RGS12: variants seen among roughly 807,000 people sequenced by gnomAD.
RGS12 encodes regulator of G protein signaling 12.
RGS12 carries 66 observed loss-of-function variants against 120.1 expected under a neutral mutation model. That is an observed-to-expected ratio of 0.55 (90% confidence interval 0.45 to 0.67). RGS12 has a LOEUF of 0.67. Ranked by LOEUF, RGS12 falls within the 30% of genes least tolerant of loss-of-function variation. RGS12 has a pLI of 0.00. For synonymous variants in RGS12, 827 were observed against 804.7 expected, an observed-to-expected ratio of 1.03 and a Z score of -0.47; for missense variants, 1,859 against 1,957.7, an observed-to-expected ratio of 0.95 and a Z score of 0.95.
intron 14 of RGS12, 54 bp downstream of exon 14, chr4:3,425,614 G>C (rs1723530734): frequency 6.3e-6 from 9 of 1,434,872 alleles, no homozygotes; most frequent in African/African-American, 1.5e-5. Context: ...CCAGTGCAGG[G>C]GAGGGGGCTA....
intron 13 of RGS12, 40 bp from the exon 14 acceptor site, chr4:3,425,424 C>T: frequency 6.5e-7 from 1 of 1,549,236 alleles, no homozygotes; most frequent in Non-Finnish European, 8.9e-7. Flanking sequence ...CCCTGAAGTT[C>T]CAGTCTGGGT....
chr4:3,343,370 G>A (rs924161843), intron 3 of RGS12, among the ~76,000 whole-genome samples: 1 of 152,178 alleles, frequency 6.6e-6, no homozygotes, highest in Admixed American at 6.5e-5. Context: ...CCCCCTTAAA[G>A]ACGGGGCGTG....
intron 1 of RGS12, among the ~76,000 whole-genome samples, chr4:3,309,901 C>T (rs1397628556): frequency 1.3e-4 from 16 of 120,866 alleles, no homozygotes; most frequent in South Asian, 3.1e-4. Context: ...TGAGGGGAAC[C>T]GTGCAGGGGA....
chr4:3,287,027 G>A, the RGS12 span, among the ~76,000 whole-genome samples: 2 of 152,160 alleles, frequency 1.3e-5, no homozygotes, highest in African/African-American at 4.8e-5. Flanking sequence ...TCAGCTTTGG[G>A]CATATATTAG....
At chr4:3,417,609 C>T (rs753689129) in intron 9 of RGS12, 68 bp downstream of exon 9, 2 of 1,560,522 alleles carry the variant, frequency 1.3e-6, no homozygotes, top group Admixed American at 1.8e-5. Context: ...TGGCGTCGCT[C>T]TGGTGGTTGG....
chr4:3,381,343 A>G, intron 3 of RGS12, among the ~76,000 whole-genome samples: 1 of 152,214 alleles, frequency 6.6e-6, no homozygotes, highest in East Asian at 1.9e-4. Flanking sequence ...CCTGTTACCC[A>G]GTTCCAAAGT....
Position 3,439,675 on chromosome 4 carries a change from C to T in RGS12, c.4335C>T (p.Thr1445=). The T allele has an allele frequency of 1.3e-6, 2 of 1,530,076 alleles. No homozygotes were observed. The highest frequency in any genetic ancestry group is 1.8e-6 in the Non-Finnish European group (2 of 1,137,952). 94.8% of individuals were successfully genotyped at this position (1,530,076 alleles called of 1,614,324 possible). Residue 1445 remains threonine (T), a synonymous_variant, in exon 18 of 18, where the codon ACC becomes ACT. Coordinates refer to ENST00000336727, the MANE Select transcript of RGS12 (RefSeq NM_001394154.1). ...CCAAGACCAGCGCTCACCACGCCACCTTCGTCTGAGCTGCCCTGGCCTGGC... is the reference window on the plus strand; with the variant it reads ...CCAAGACCAGCGCTCACCACGCCACTTTCGTCTGAGCTGCCCTGGCCTGGC... ...AKPKTSAHHA[T]FV
chr4:3,413,826 G>A (rs1347192266), intron 4 of RGS12: 1 of 493,848 alleles, frequency 2.0e-6, no homozygotes, highest in African/African-American at 1.9e-5. Flanking sequence ...GTGAACATGT[G>A]TGTGTGCTCG....
intron 4 of RGS12, chr4:3,412,927 G>A (rs10027926): frequency 0.083 from 12,622 of 152,340 alleles, 726 homozygotes; most frequent in East Asian, 0.28. Context: ...CTTGGGCTCA[G>A]GCCAGGCCGG....
In RGS12 at chr4:3,389,063, T is replaced by C. The variant is rs1350571453; in HGVS notation, c.2020+2626T>C. On this transcript the variant is annotated intron_variant, in intron 4 of 17. Transcript: ENST00000336727. The surrounding 1 kb of genome is among the most constrained non-coding windows in gnomAD (Gnocchi z 5.2). ...GTGCCAGTGAGAGAGTTCGTGTTCA[T>C]GCCACGGTTTCATTCTGTGACGCGT... Among the ~76,000 whole-genome samples, 1 of 152,238 alleles carries C rather than the reference T, an allele frequency of 6.6e-6. No homozygotes were observed. The highest frequency in any genetic ancestry group is 1.5e-5 in the Non-Finnish European group (1 of 68,046).
intron 17 of RGS12, chr4:3,431,326 T>C: frequency 9.2e-7 from 1 of 1,091,304 alleles, no homozygotes; most frequent in Non-Finnish European, 1.1e-6. Context: ...GTTTTTAGTG[T>C]TTCTGTCTCA....
chr4:3,299,321 C>G (rs1723549646), intron 1 of RGS12, among the ~76,000 whole-genome samples: 1 of 152,134 alleles, frequency 6.6e-6, no homozygotes, highest in African/African-American at 2.4e-5. Context: ...TTCAGCCACC[C>G]AGCCCTCCCC....
At chr4:3,436,730 G>A (rs1724842195) in intron 17 of RGS12, among the ~76,000 whole-genome samples, 1 of 152,306 alleles carries the variant, frequency 6.6e-6, no homozygotes, top group East Asian at 1.9e-4. Flanking sequence ...ACAAGTGTCT[G>A]GGAGGCCTGG....
chr4:3,319,363 A>G (rs1725028207), intron 2 of RGS12, among the ~76,000 whole-genome samples: 2 of 152,240 alleles, frequency 1.3e-5, no homozygotes, highest in Non-Finnish European at 2.9e-5. Flanking sequence ...GATCACTGAT[A>G]ACATTTTGAT....
At chr4:3,378,614 A>AT (rs1198400118) in intron 3 of RGS12, 1 of 152,202 alleles carries the variant, frequency 6.6e-6, no homozygotes, top group Non-Finnish European at 1.5e-5. Context: ...CATAGTAGAC[A>AT]TTTTTCCAGA....
intron 2 of RGS12, among the ~76,000 whole-genome samples, chr4:3,337,089 A>C (rs970352314): frequency 6.6e-6 from 1 of 152,256 alleles, no homozygotes; most frequent in African/African-American, 2.4e-5. Flanking sequence ...GTCAATGGGC[A>C]CGTGGAAAGA....
chr4:3,347,654 G>A (rs369996707), intron 3 of RGS12, among the ~76,000 whole-genome samples: 12 of 152,192 alleles, frequency 7.9e-5, no homozygotes, highest in Middle Eastern at 6.8e-3. Flanking sequence ...TTAGTCTGTC[G>A]ATCTTAAAGT....
chr4:3,342,913 G>A (rs1162624718), intron 2 of RGS12, 24 bp from the exon 3 acceptor site: 2 of 1,486,102 alleles, frequency 1.3e-6, no homozygotes, highest in Non-Finnish European at 1.9e-6. Context: ...AGAATAACCT[G>A]ATGCCTTTTT....
At chr4:3,419,525 G>A (rs965920063) in intron 9 of RGS12, 4 of 151,990 alleles carry the variant, frequency 2.6e-5, no homozygotes, top group African/African-American at 9.7e-5. Context: ...AGCAAACCTT[G>A]ATAGCAGTGG....
Sources: gnomAD v4.1 joint callset for allele counts (sites outside exome capture counted in the v4.1 genomes callset) on GRCh38, gnomAD v4.1.1 for gene constraint, Gnocchi (gnomAD v3.1) non-coding constraint, MANE v1.5 for transcripts, NCBI Gene and HGNC (gene_info 2026-07-23, HGNC 2026-07-21) for gene names.